The following SOX5 variants were observed in gnomAD, a reference collection of about 807,000 sequenced individuals.
SOX5 encodes the protein transcription factor SOX-5.
SOX5 carries 9 observed loss-of-function variants against 92.0 expected under a neutral mutation model. That is an observed-to-expected ratio of 0.10 (90% confidence interval 0.06 to 0.17). SOX5 has a LOEUF of 0.17. SOX5 is among the 10% of genes least tolerant of loss of function. The pLI, the probability that SOX5 is intolerant of heterozygous loss-of-function variation, is 1.00. For synonymous variants in SOX5, 344 were observed against 336.3 expected, an observed-to-expected ratio of 1.02 and a Z score of -0.25; for missense variants, 642 against 944.5, an observed-to-expected ratio of 0.68 and a Z score of 4.20.
chr12:23,929,896 G>A (rs941134246), intron 1 of SOX5, among the ~76,000 whole-genome samples: 1 of 151,888 alleles, frequency 6.6e-6, no homozygotes, highest in South Asian at 2.1e-4. Context: ...AATAACAACA[G>A]TTTAATCAAA....
At chr12:24,525,409 C>T (rs1425997829) in intron 1 of SOX5, among the ~76,000 whole-genome samples, 1 of 152,144 alleles carries the variant, frequency 6.6e-6, no homozygotes, top group Non-Finnish European at 1.5e-5. Flanking sequence ...AATCAACAGG[C>T]ACAAAGCGCC....
At chr12:23,598,307 T>C (rs1295097719) in intron 9 of SOX5, among the ~76,000 whole-genome samples, 2 of 151,766 alleles carry the variant, frequency 1.3e-5, no homozygotes, top group Non-Finnish European at 1.5e-5. Context: ...CTTTTCACCA[T>C]GGAAATATTG....
chr12:23,981,626 G>T (rs1949573803), intron 4 of SOX5, among the ~76,000 whole-genome samples: 1 of 152,082 alleles, frequency 6.6e-6, no homozygotes, highest in Non-Finnish European at 1.5e-5. Context: ...AAAATTGAAT[G>T]TGGCCTCTAA....
intron 1 of SOX5, among the ~76,000 whole-genome samples, chr12:24,489,328 C>T (rs981287539): frequency 6.6e-6 from 1 of 152,074 alleles, no homozygotes; most frequent in Admixed American, 6.5e-5. Context: ...AGTTTCCAAG[C>T]CTACATTTGC....
rs57461232 is a variant in SOX5, at chr12:24,335,972, C to CATATATAT, written c.-174+32583_-174+32590dup. Among the ~76,000 whole-genome samples the CATATATAT allele has an allele frequency of 1.4e-3, 83 of 58,608 alleles. 9 individuals carry two copies. Among genetic ancestry groups the CATATATAT allele is most frequent in the South Asian group, 1.9e-3 (2 of 1,064 alleles). 38.4% of individuals were successfully genotyped at this position (58,608 alleles called of 152,430 possible). Reference sequence around the variant, plus strand: ...CCTGGGTCCAGGCTAGAAATGCTATCATATATATATATATATCCATAATAT... The same window carrying CATATATAT: ...CCTGGGTCCAGGCTAGAAATGCTATCATATATATATATATATATATATATCCATAATAT... On this transcript the variant is annotated intron_variant, in intron 2 of 4. Coordinates refer to the SOX5 transcript ENST00000446891.
intron 1 of SOX5, among the ~76,000 whole-genome samples, chr12:24,451,674 G>C (rs550238736): frequency 1.3e-5 from 2 of 152,114 alleles, no homozygotes; most frequent in Non-Finnish European, 2.9e-5. Context: ...GAAGTCTGCA[G>C]GTCTGTAGAC....
At chr12:23,534,590 A>G in intron 14 of SOX5, 68 bp from the exon 15 acceptor site, 1 of 1,262,494 alleles carries the variant, frequency 7.9e-7, no homozygotes, top group Non-Finnish European at 1.1e-6. Flanking sequence ...ACTTTACTAC[A>G]TAATTAATTT....
chr12:24,113,224 A>G (rs1243597657), intron 4 of SOX5, among the ~76,000 whole-genome samples: 1 of 149,402 alleles, frequency 6.7e-6, no homozygotes, highest in Non-Finnish European at 1.5e-5. Context: ...GAAATGATCA[A>G]CTCAGATACT....
chr12:23,619,172 G>A (rs139095689), intron 8 of SOX5, among the ~76,000 whole-genome samples: 5 of 152,248 alleles, frequency 3.3e-5, no homozygotes, highest in African/African-American at 1.2e-4. Flanking sequence ...AAACCTTTAA[G>A]ATTAAGAAAG....
At chr12:24,519,947 C>T (rs1365693627) in intron 1 of SOX5, among the ~76,000 whole-genome samples, 1 of 151,602 alleles carries the variant, frequency 6.6e-6, no homozygotes, top group East Asian at 1.9e-4. Context: ...TGACTTGTCA[C>T]ATATAAGGGG....
At chr12:24,144,324 A>G (rs781667912) in intron 4 of SOX5, among the ~76,000 whole-genome samples, 1 of 152,194 alleles carries the variant, frequency 6.6e-6, no homozygotes, top group Non-Finnish European at 1.5e-5. Flanking sequence ...GCAGAAGATA[A>G]TAACATACCA....
intron 8 of SOX5, among the ~76,000 whole-genome samples, chr12:23,613,779 T>G (rs568931707): frequency 6.6e-6 from 1 of 152,152 alleles, no homozygotes; most frequent in Non-Finnish European, 1.5e-5. Context: ...ATAACAAATA[T>G]AGTATGATTC....
chr12:23,912,986 T>A (rs1011474402), intron 1 of SOX5, among the ~76,000 whole-genome samples: 38 of 152,300 alleles, frequency 2.5e-4, no homozygotes, highest in African/African-American at 8.7e-4. Flanking sequence ...GTAAATTTTA[T>A]AGTACTGAAT....
At chr12:24,219,501 TC>T (rs1378773938) in intron 3 of SOX5, among the ~76,000 whole-genome samples, 1 of 152,026 alleles carries the variant, frequency 6.6e-6, no homozygotes, top group Non-Finnish European at 1.5e-5. Flanking sequence ...AAATTGAAGT[TC>T]CCCACTTCTA....
chr12:24,049,783 T>G (rs1307292314), intron 4 of SOX5, among the ~76,000 whole-genome samples: 1 of 151,738 alleles, frequency 6.6e-6, no homozygotes, highest in East Asian at 1.9e-4. Flanking sequence ...TAGATGTTTA[T>G]ACCTTAAAAG....
chr12:24,328,840 A>C (rs1484539770), intron 2 of SOX5, among the ~76,000 whole-genome samples: 1 of 152,156 alleles, frequency 6.6e-6, no homozygotes, highest in African/African-American at 2.4e-5. Flanking sequence ...AGTTCCCTTC[A>C]TTTGGTCTAA....
At chr12:23,861,452 C>CTATG (rs1251647878) in intron 2 of SOX5, among the ~76,000 whole-genome samples, 4 of 151,986 alleles carry the variant, frequency 2.6e-5, no homozygotes, top group Admixed American at 2.6e-4. Context: ...ATACTAAATC[C>CTATG]TATGGAGTAT....
intron 2 of SOX5, among the ~76,000 whole-genome samples, chr12:23,848,215 A>G (rs894973324): frequency 1.7e-4 from 26 of 152,196 alleles, no homozygotes; most frequent in African/African-American, 6.3e-4. Context: ...TGGGCAGCTG[A>G]CCTTTAATTG....
At position 24,449,223 on chromosome 12, in the gene SOX5, C is replaced by T. The variant is rs546046455; in HGVS notation, c.-250-80584G>A. On this transcript the variant is annotated intron_variant, in intron 1 of 4. Coordinates refer to the SOX5 transcript ENST00000446891. ...ACAAACCTCCAACAGCTCACCAGCA[C>T]ACTTACAAAAAAAATTCTAATTCCT... is the stretch of plus-strand genomic sequence containing the variant. 4.6e-5 allele frequency among the ~76,000 whole-genome samples: 7 copies of T among 152,238 alleles called. No individual in the cohort carries two copies. In the East Asian group the frequency reaches 1.3e-3, roughly 29 times the overall value.
Sources: allele counts gnomAD v4.1 joint callset (sites outside exome capture counted in the v4.1 genomes callset), GRCh38; gene constraint gnomAD v4.1.1; transcripts MANE v1.5; gene names NCBI Gene and HGNC (gene_info 2026-07-23, HGNC 2026-07-21).